C6orf62: variants seen among roughly 807,000 people sequenced by gnomAD.
C6orf62 encodes the protein uncharacterized protein C6orf62.
Under a neutral mutation model 26.8 loss-of-function variants are expected in C6orf62, and 16 were observed. The ratio of observed to expected loss-of-function variants is 0.60; its 90% CI spans 0.40 to 0.91. The LOEUF is 0.91. C6orf62 is among the 40% of genes least tolerant of loss of function. The probability of loss-of-function intolerance (pLI) is 0.00; values close to 1 mark genes in which losing one functional copy is unlikely to be tolerated. For missense variants in C6orf62, 192 were observed against 271.4 expected (o/e 0.71, Z 2.06); for synonymous variants, 112 against 91.5 (o/e 1.22, Z -1.28).
Position 24,718,643 on chromosome 6 carries a change from T to C in C6orf62, c.26A>G (p.Lys9Arg). The change falls in exon 1 of 5, where the codon AAA becomes AGA. Residue 9 changes from lysine (K) to arginine (R), a missense_variant. Coordinates refer to ENST00000378119, the MANE Select transcript of C6orf62 (RefSeq NM_030939.5). MGDPNSRKKQALNRLRAQL... is the reference protein window; with the variant it reads MGDPNSRKRQALNRLRAQL... ...AGCACGTAGTCTGTTCAGAGCTTGT[T>C]TCTTCCGGGAGTTTGGGTCCCCCAT... 6.2e-7 allele frequency: 1 copy of C among 1,613,994 alleles called. No homozygotes were observed. Among genetic ancestry groups the C allele is most frequent in the Non-Finnish European group, 8.5e-7 (1 of 1,180,002 alleles).
At chr6:24,712,518 A>C (rs534005358) in intron 3 of C6orf62, among the ~76,000 whole-genome samples, 1 of 151,812 alleles carries the variant, frequency 6.6e-6, no homozygotes, top group Non-Finnish European at 1.5e-5. Context: ...AAAATACAAA[A>C]ATTAGCTGGG....
intron 3 of C6orf62, among the ~76,000 whole-genome samples, chr6:24,711,656 TAAGTA>T (rs749882956): frequency 6.6e-6 from 1 of 151,734 alleles, no homozygotes; most frequent in African/African-American, 2.4e-5. Flanking sequence ...ATTTTAAAAA[TAAGTA>T]AAGTGCTTTA....
intron 3 of C6orf62, 83 bp downstream of exon 3, chr6:24,714,235 C>A: frequency 9.2e-7 from 1 of 1,088,446 alleles, no homozygotes; most frequent in Middle Eastern, 2.2e-4. Flanking sequence ...ACCATTTTCC[C>A]AAAGAATTTC....
At chr6:24,711,113 G>A (rs1193816489) in intron 3 of C6orf62, among the ~76,000 whole-genome samples, 1 of 152,120 alleles carries the variant, frequency 6.6e-6, no homozygotes, top group Non-Finnish European at 1.5e-5. Flanking sequence ...AAGCAACCAG[G>A]GTGGGTGCAA....
At chr6:24,710,472 C>T in intron 3 of C6orf62, 2 of 508,180 alleles carry the variant, frequency 3.9e-6, no homozygotes, top group South Asian at 8.5e-5. Context: ...TTATGTTGGT[C>T]AGGATGGTCT....
intron 3 of C6orf62, chr6:24,709,732 G>T: frequency 1.0e-6 from 1 of 985,452 alleles, no homozygotes; most frequent in South Asian, 4.7e-5. Context: ...ACATGAGGAA[G>T]ATCAACTCCA....
intron 3 of C6orf62, 24 bp from the exon 4 acceptor site, chr6:24,708,935 T>C (rs774016589): frequency 6.2e-7 from 1 of 1,613,620 alleles, no homozygotes; most frequent in Non-Finnish European, 8.5e-7. Context: ...ACAACATTTA[T>C]ATTAAACTAC....
chr6:24,712,115 T>C (rs2127634011), intron 3 of C6orf62, among the ~76,000 whole-genome samples: 1 of 152,298 alleles, frequency 6.6e-6, no homozygotes, highest in Admixed American at 6.5e-5. Context: ...CCAAGTGTGG[T>C]GGCTCATACC....
upstream of C6orf62, chr6:24,719,476 G>A: frequency 9.1e-7 from 1 of 1,099,850 alleles, no homozygotes; most frequent in Non-Finnish European, 1.1e-6. Context: ...AGAAAAAACA[G>A]CGGAGTCATT....
At chr6:24,720,020 CACCCT>C, upstream of C6orf62, 3 of 1,288,376 alleles carry the variant, frequency 2.3e-6, no homozygotes, top group Non-Finnish European at 2.1e-6. Context: ...TAAGCCCACC[CACCCT>C]CCCCCCAAAA....
upstream of C6orf62, chr6:24,719,329 G>A (rs773165728): frequency 2.4e-5 from 24 of 996,510 alleles, no homozygotes; most frequent in Non-Finnish European, 2.9e-5. Context: ...GTCAGTGCTT[G>A]TTATTGATTA....
intron 3 of C6orf62, chr6:24,709,247 T>C (rs1779073702): frequency 1.0e-6 from 1 of 985,248 alleles, no homozygotes; most frequent in African/African-American, 1.7e-5. Flanking sequence ...ACAACAGCAG[T>C]TGATCAGGAA....
At position 24,718,692 on chromosome 6, in the gene C6orf62, G is replaced by A. The variant is rs781303613; in HGVS notation, c.-24C>T. Reference sequence around the variant, plus strand: ...ATTTTGAAATACAGGTGGTACTAAAGCCTTTGGAAATTGTCACTAAACTAT... The same window carrying A: ...ATTTTGAAATACAGGTGGTACTAAAACCTTTGGAAATTGTCACTAAACTAT... On this transcript the variant is annotated 5_prime_UTR_variant, in exon 1 of 5. Transcript: ENST00000378119. 3.1e-6 allele frequency: 5 copies of A among 1,611,310 alleles called. No homozygotes were observed. In the African/African-American group the frequency reaches 4.0e-5, roughly 13 times the overall value.
At chr6:24,706,306 T>C (rs1224366025) in intron 4 of C6orf62, 44 bp from the exon 5 acceptor site, 8 of 1,606,062 alleles carry the variant, frequency 5.0e-6, no homozygotes, top group East Asian at 4.5e-5. Context: ...AATAAGACTT[T>C]AGCGTAACTG....
At chr6:24,719,207 A>G (rs571355670), upstream of C6orf62, 256 of 987,762 alleles carry the variant, frequency 2.6e-4, 2 homozygotes, top group South Asian at 7.0e-3. Flanking sequence ...ACCAAACACC[A>G]AAACAGGGTA....
chr6:24,705,895 A>G lies in C6orf62; in HGVS notation c.*242T>C. Reference sequence around the variant, plus strand: ...ATTTCACATTTTTAGTAAGATACTGATGCAGTGCAGCAAATATGCAAAGCA... The same window carrying G: ...ATTTCACATTTTTAGTAAGATACTGGTGCAGTGCAGCAAATATGCAAAGCA... On this transcript the variant is annotated 3_prime_UTR_variant, in exon 5 of 5. Transcript: ENST00000378119. The G allele has an allele frequency of 2.5e-6, 1 of 403,218 alleles. No homozygotes were observed. The highest frequency in any genetic ancestry group is 4.0e-5 in the Admixed American group (1 of 24,822). The allele number at this position is 403,218 out of a possible 1,614,324, so 25.0% of individuals were successfully genotyped here.
chr6:24,712,259 A>G (rs1314952314), intron 3 of C6orf62, among the ~76,000 whole-genome samples: 2 of 152,204 alleles, frequency 1.3e-5, no homozygotes, highest in Non-Finnish European at 2.9e-5. Context: ...GCATGCGCCT[A>G]TAATCCCAGC....
At chr6:24,715,572 T>G (rs1272308365) in intron 2 of C6orf62, among the ~76,000 whole-genome samples, 1 of 151,964 alleles carries the variant, frequency 6.6e-6, no homozygotes. Context: ...ACTGGCAGGG[T>G]GCAGTGGCTC....
Position 24,705,614 on chromosome 6 carries a change from T to C in C6orf62, c.*523A>G, listed in dbSNP as rs1778993118. The C allele has an allele frequency of 6.6e-6, 1 of 152,656 alleles. No individual in the cohort carries two copies. Among genetic ancestry groups the C allele is most frequent in the Non-Finnish European group, 1.5e-5 (1 of 68,038 alleles). 9.5% of individuals were successfully genotyped at this position (152,656 alleles called of 1,614,324 possible). ...TTTTTCATTTAAGATTTCTTTCCCA[T>C]GGTTGTATTTTCTTTTTTTAAACCA... On this transcript the variant is annotated 3_prime_UTR_variant, in exon 5 of 5. Transcript: ENST00000378119.
Sources: gnomAD v4.1 joint callset for allele counts (sites outside exome capture counted in the v4.1 genomes callset) on GRCh38, gnomAD v4.1.1 for gene constraint, MANE v1.5 for transcripts, NCBI Gene and HGNC (gene_info 2026-07-23, HGNC 2026-07-21) for gene names.